Variants in HMGXB3 observed in about 807,000 individuals in gnomAD.
The protein encoded by HMGXB3 is HMG domain-containing protein 3.
A neutral mutation model predicts 121.5 loss-of-function variants in HMGXB3; 45 were observed. The ratio of observed to expected loss-of-function variants is 0.37; its 90% CI spans 0.29 to 0.47. The LOEUF is 0.47. Among genes scored for constraint, HMGXB3 ranks in the 20% least tolerant of loss-of-function variants. HMGXB3 has a pLI of 0.99. For synonymous variants in HMGXB3, 590 were observed against 624.1 expected (o/e 0.95, Z 0.81); for missense variants, 1,376 against 1,602.2 (o/e 0.86, Z 2.41).
At chr5:150,024,022 C>T (rs1453995306) in intron 6 of HMGXB3, among the ~76,000 whole-genome samples, 1 of 152,194 alleles carries the variant, frequency 6.6e-6, no homozygotes, top group Non-Finnish European at 1.5e-5. Flanking sequence ...AATAAGAATT[C>T]ATTAGAAGAT....
intron 1 of HMGXB3, among the ~76,000 whole-genome samples, chr5:150,001,677 C>A (rs940416569): frequency 6.6e-6 from 1 of 152,062 alleles, no homozygotes; most frequent in Admixed American, 6.5e-5. Context: ...ATTGTCCTGC[C>A]TTTTTTTGCA....
intron 11 of HMGXB3, among the ~76,000 whole-genome samples, chr5:150,035,752 C>G (rs1454244251): frequency 6.6e-6 from 1 of 151,936 alleles, no homozygotes; most frequent in Non-Finnish European, 1.5e-5. Context: ...GGGAGAAGCT[C>G]CATTGAAGAG....
chr5:150,002,375 T>A (rs79250255), intron 1 of HMGXB3, among the ~76,000 whole-genome samples: 244 of 152,328 alleles, frequency 1.6e-3, no homozygotes, highest in African/African-American at 5.5e-3. Context: ...TGGAATAGAC[T>A]TCTCTGAGAT....
At chr5:150,019,909 G>T (rs1756048943) in intron 6 of HMGXB3, among the ~76,000 whole-genome samples, 2 of 152,116 alleles carry the variant, frequency 1.3e-5, no homozygotes, top group Admixed American at 6.5e-5. Context: ...CTAAGTTCAG[G>T]GTAGCACTAA....
intron 13 of HMGXB3, 24 bp downstream of exon 13, chr5:150,037,551 T>G: frequency 1.3e-6 from 2 of 1,502,378 alleles, no homozygotes; most frequent in Non-Finnish European, 1.8e-6. Context: ...TTCTCTTCCC[T>G]CAGAGCATCC....
rs1328489701 is a variant in HMGXB3 at position 150,052,213 on chromosome 5, C to G, written c.*21C>G. The G allele has an allele frequency of 6.7e-7, 1 of 1,498,906 alleles. No individual in the cohort carries two copies. Among genetic ancestry groups the G allele is most frequent in the Non-Finnish European group, 9.0e-7 (1 of 1,111,854 alleles). 92.9% of individuals were successfully genotyped at this position (1,498,906 alleles called of 1,614,324 possible). A position where few individuals can be genotyped will look rare whatever the true frequency, so the allele number is the denominator to read the frequency against. On this transcript the variant is annotated 3_prime_UTR_variant, in exon 20 of 20. Transcript: ENST00000502717. ...AATAAGCCAGGCTGTTGTACAGGGA[C>G]TACACCATCTCTCAAGCCATAGTAA...
intron 9 of HMGXB3, among the ~76,000 whole-genome samples, chr5:150,029,449 G>A (rs1756321961): frequency 6.6e-6 from 1 of 151,532 alleles, no homozygotes; most frequent in Non-Finnish European, 1.5e-5. Context: ...AGCTATAAAA[G>A]GATCTCTCAA....
At position 150,016,427 on chromosome 5, in the gene HMGXB3, G is replaced by A. The variant is rs183854495; in HGVS notation, c.910-2139G>A. 7.9e-5 allele frequency among the ~76,000 whole-genome samples: 12 copies of A among 151,416 alleles called. No homozygotes were observed. In the South Asian group the frequency reaches 1.5e-3, roughly 18 times the overall value. On this transcript the variant is annotated intron_variant, in intron 5 of 19. Transcript: ENST00000502717. Reference sequence around the variant, plus strand: ...TTACAGTTCTCTTAATTTTTGTGTCGCAAATTTTGACTCTCTTGCGAAGTA... The same window carrying A: ...TTACAGTTCTCTTAATTTTTGTGTCACAAATTTTGACTCTCTTGCGAAGTA...
intron 9 of HMGXB3, chr5:150,030,449 A>G (rs576899514): frequency 9.4e-4 from 270 of 288,278 alleles, no homozygotes; most frequent in Non-Finnish European, 1.5e-3. Flanking sequence ...ATTTATATGT[A>G]TAAAAGCTAT....
At chr5:150,028,982 G>A (rs1269520235) in intron 9 of HMGXB3, among the ~76,000 whole-genome samples, 2 of 151,872 alleles carry the variant, frequency 1.3e-5, no homozygotes, top group African/African-American at 4.8e-5. Flanking sequence ...AGATATTAAC[G>A]TTTAGTTGTC....
chr5:150,010,520 T>G lies in HMGXB3; in HGVS notation c.722T>G (p.Val241Gly). The change falls in exon 4 of 20, where the codon GTG becomes GGG. Residue 241 changes from valine (V) to glycine (G), a missense_variant. By Grantham distance (109) the Val-to-Gly change is moderately radical. Coordinates refer to ENST00000502717, the MANE Select transcript of HMGXB3 (RefSeq NM_014983.3). ...AGCCTGGTAATTGAAGAGACCTTGG[T>G]GAATGGCTCACCAGACCTCCCCACT... ...QTSLVIEETL[V>G]NGSPDLPTGS... 1 of 1,551,630 alleles carries G rather than the reference T, an allele frequency of 6.4e-7. No homozygotes were observed. Among genetic ancestry groups the G allele is most frequent in the Non-Finnish European group, 8.7e-7 (1 of 1,147,004 alleles).
intron 5 of HMGXB3, among the ~76,000 whole-genome samples, chr5:150,013,158 T>C (rs937481325): frequency 8.5e-5 from 13 of 152,372 alleles, no homozygotes; most frequent in East Asian, 3.9e-4. Flanking sequence ...ATCTTTGTCT[T>C]GTCCTCATGT....
chr5:150,030,576 G>T (rs1756348627), intron 9 of HMGXB3, 165 bp from the exon 10 acceptor site: 1 of 599,782 alleles, frequency 1.7e-6, no homozygotes, highest in South Asian at 2.0e-5. Flanking sequence ...ATGACACTCA[G>T]CCTTTGGTGG....
intron 11 of HMGXB3, among the ~76,000 whole-genome samples, chr5:150,033,477 GGATAAGGATAAGTGTGAGT>G (rs1297021019): frequency 9.9e-5 from 15 of 152,268 alleles, no homozygotes; most frequent in South Asian, 4.1e-4. Flanking sequence ...GTGTGAGTAT[GGATAAGGATAAGTGTGAGT>G]GATAAGGATA....
rs1756514884 is a variant in HMGXB3 at position 150,036,945 on chromosome 5, C to T, written c.2285+8C>T. The T allele has an allele frequency of 6.5e-7, 1 of 1,544,298 alleles. No homozygotes were observed. Among genetic ancestry groups the T allele is most frequent in the South Asian group, 1.2e-5 (1 of 82,590 alleles). On this transcript the variant is annotated splice_region_variant and intron_variant, in intron 12 of 19. Transcript: ENST00000502717. ...ATTCAAAGGGGGACAAAAGTAAGCACCCCTTAACTCTGCCCCTAGCTACCC... is the reference window on the plus strand; with the variant it reads ...ATTCAAAGGGGGACAAAAGTAAGCATCCCTTAACTCTGCCCCTAGCTACCC...
intron 11 of HMGXB3, among the ~76,000 whole-genome samples, chr5:150,034,431 T>A (rs1407293695): frequency 6.6e-6 from 1 of 152,158 alleles, no homozygotes; most frequent in Admixed American, 6.5e-5. Flanking sequence ...CCTTTCTCCT[T>A]CCAGTTCATT....
Position 150,025,916 on chromosome 5 carries a change from C to T in HMGXB3, c.1461-790C>T, listed in dbSNP as rs887592415. Among the ~76,000 whole-genome samples the T allele has an allele frequency of 7.2e-5, 11 of 151,776 alleles. No individual in the cohort carries two copies. The East Asian group carries it at 1.9e-3, about 27-fold the overall frequency. On this transcript the variant is annotated intron_variant, in intron 7 of 19. Transcript: ENST00000502717. ...CGCCATCTCGTCTCACTGCAAGCTC[C>T]GCCTCCCGGGTCCATGCCATTCTCC...
intron 13 of HMGXB3, among the ~76,000 whole-genome samples, chr5:150,040,506 G>T (rs974311852): frequency 1.3e-5 from 2 of 151,308 alleles, no homozygotes; most frequent in Non-Finnish European, 2.9e-5. Flanking sequence ...CTCCCAAAGT[G>T]CTGAGACTAC....
chr5:150,018,100 G>A (rs866802218), intron 5 of HMGXB3, among the ~76,000 whole-genome samples: 1 of 152,224 alleles, frequency 6.6e-6, no homozygotes. Context: ...TTTAGAGCCA[G>A]AGGGTGCAGC....
Sources: allele counts gnomAD v4.1 joint callset (sites outside exome capture counted in the v4.1 genomes callset), GRCh38; gene constraint gnomAD v4.1.1; transcripts MANE v1.5; gene names NCBI Gene and HGNC (gene_info 2026-07-23, HGNC 2026-07-21).